Variants in MAP3K13 observed in about 807,000 individuals in gnomAD.
MAP3K13 encodes leucine zipper-bearing kinase.
Under a neutral mutation model 104.0 loss-of-function variants are expected in MAP3K13, and 52 were observed. The observed-to-expected ratio is 0.50, with a 90% CI of 0.40 to 0.63. MAP3K13 has a LOEUF of 0.63. Ranked by LOEUF, MAP3K13 falls within the 20% of genes least tolerant of loss-of-function variation. MAP3K13 has a pLI of 0.00. For synonymous variants in MAP3K13, 394 were observed against 442.2 expected (o/e 0.89, Z 1.37); for missense variants, 914 against 1,218.5 (o/e 0.75, Z 3.72).
chr3:185,473,076 G>A lies in MAP3K13; in HGVS notation c.1745G>A (p.Ser582Asn), dbSNP rs112797533. 1 of 1,614,186 alleles carries A rather than the reference G, an allele frequency of 6.2e-7. No individual in the cohort carries two copies. The highest frequency in any genetic ancestry group is 8.5e-7 in the Non-Finnish European group (1 of 1,180,040). The change falls in exon 11 of 14, where the codon AGC (serine) becomes AAC (asparagine). Residue 582 changes from serine to asparagine, a missense_variant. Ser to Asn is a conservative substitution (Grantham distance 46). Coordinates refer to ENST00000265026, the MANE Select transcript of MAP3K13 (RefSeq NM_004721.5). The surrounding 1 kb of genome is among the most constrained non-coding windows in gnomAD (Gnocchi z 4.9). ...AAAATGTCCACTTCTAGCAGCAAGAGCCGATATCGAAGCAAACCACGCCAC... is the reference window on the plus strand; with the variant it reads ...AAAATGTCCACTTCTAGCAGCAAGAACCGATATCGAAGCAAACCACGCCAC... ...SPKMSTSSSKSRYRSKPRHRR... is the reference protein window; with the variant it reads ...SPKMSTSSSKNRYRSKPRHRR...
At chr3:185,429,169 T>A (rs1714606183) in intron 2 of MAP3K13, 113 bp downstream of exon 2, 1 of 936,328 alleles carries the variant, frequency 1.1e-6, no homozygotes, top group Non-Finnish European at 1.6e-6. Flanking sequence ...AAAGAACTAG[T>A]GACAGATGAA....
chr3:185,395,353 A>ATGTCT (rs1560083056), intron 1 of MAP3K13, among the ~76,000 whole-genome samples: 20 of 18,484 alleles, frequency 1.1e-3, no homozygotes, highest in African/African-American at 3.5e-3. Flanking sequence ...ATTCAATATT[A>ATGTCT]TTTCTTTTTT....
At chr3:185,455,290 T>TATATGAG (rs1481727951) in intron 7 of MAP3K13, among the ~76,000 whole-genome samples, 3 of 128,486 alleles carry the variant, frequency 2.3e-5, no homozygotes, top group African/African-American at 8.5e-5. Context: ...ATATGAGATA[T>TATATGAG]ATATATGAGA....
intron 2 of MAP3K13, among the ~76,000 whole-genome samples, chr3:185,336,064 G>A (rs1236712085): frequency 1.3e-5 from 2 of 152,040 alleles, no homozygotes; most frequent in Non-Finnish European, 2.9e-5. Context: ...ACCTGCTGTT[G>A]CTGCCCATGA....
intron 1 of MAP3K13, among the ~76,000 whole-genome samples, chr3:185,386,195 G>A (rs1313609919): frequency 1.3e-5 from 2 of 151,852 alleles, no homozygotes; most frequent in Non-Finnish European, 2.9e-5. Context: ...GCATCTATAA[G>A]GAGCTTAAAC....
chr3:185,360,588 G>A (rs1285352879), upstream of MAP3K13, among the ~76,000 whole-genome samples: 3 of 152,138 alleles, frequency 2.0e-5, no homozygotes, highest in East Asian at 5.8e-4. Context: ...CAGGAAGCAT[G>A]CTAACTGAGG....
chr3:185,455,087 T>TATATATGAGATATATGTGAG (rs1560118333), intron 7 of MAP3K13, among the ~76,000 whole-genome samples: 1 of 108,408 alleles, frequency 9.2e-6, no homozygotes, highest in African/African-American at 3.4e-5. Context: ...ATGTGAGATA[T>TATATATGAGATATATGTGAG]ATATATGAGA....
intron 10 of MAP3K13, among the ~76,000 whole-genome samples, chr3:185,472,354 A>G (rs2148922380): frequency 6.6e-6 from 1 of 151,960 alleles, no homozygotes; most frequent in Non-Finnish European, 1.5e-5. Context: ...CTGGGACTAC[A>G]GGCATGCACC....
chr3:185,414,947 G>A (rs1226171992), intron 1 of MAP3K13, among the ~76,000 whole-genome samples: 2 of 152,036 alleles, frequency 1.3e-5, no homozygotes, highest in Non-Finnish European at 2.9e-5. Flanking sequence ...TGAGGTGGGA[G>A]TATTGCTTGA....
intron 1 of MAP3K13, among the ~76,000 whole-genome samples, chr3:185,414,035 G>A (rs1465927): frequency 0.23 from 34,200 of 151,804 alleles, 4,285 homozygotes; most frequent in African/African-American, 0.34. Flanking sequence ...TTATAATATC[G>A]ACAATACAGT....
Position 185,480,359 on chromosome 3 carries a change from C to T in MAP3K13, c.2629C>T (p.Leu877Phe). Residue 877 changes from leucine (L) to phenylalanine (F), a missense_variant, in exon 13 of 14, where the codon CTT (leucine) becomes TTT (phenylalanine). By Grantham distance (22) the Leu-to-Phe change is conservative. Around this residue, in one of 3 missense-constraint regions of MAP3K13, gnomAD observed 583 missense variants for 737.4 expected, o/e 0.79. Transcript: ENST00000265026. ...SNSPDELADK[L>F]EDRLAEKLDD... ...CAGTCCTGATGAGTTAGCTGATAAA[C>T]TTGAAGACCGCTTGGCAGAGAAGCT... is the stretch of plus-strand genomic sequence containing the variant. 6 of 1,614,182 alleles carry T rather than the reference C, an allele frequency of 3.7e-6. No individual in the cohort carries two copies. The highest frequency in any genetic ancestry group is 5.1e-6 in the Non-Finnish European group (6 of 1,180,044).
intron 2 of MAP3K13, among the ~76,000 whole-genome samples, chr3:185,296,356 C>T (rs573697098): frequency 2.8e-4 from 42 of 152,314 alleles, no homozygotes; most frequent in Middle Eastern, 6.8e-3. Context: ...CTCTCCTTAC[C>T]TCTCTACCAT....
chr3:185,332,271 C>A lies in MAP3K13; in HGVS notation c.-86+46628C>A, dbSNP rs577850898. 2.6e-5 allele frequency among the ~76,000 whole-genome samples: 4 copies of A among 152,118 alleles called. No individual in the cohort carries two copies. The South Asian group carries it at 8.3e-4, about 32-fold the overall frequency. ...GTACTGTTTCTCATATCCTTGCCAA[C>A]AGAATCATCAGACTTTTGGATTTTT... On this transcript the variant is annotated intron_variant, in intron 2 of 14. Coordinates refer to the MAP3K13 transcript ENST00000424227.
At chr3:185,409,003 G>A (rs148980909) in intron 1 of MAP3K13, among the ~76,000 whole-genome samples, 51 of 152,216 alleles carry the variant, frequency 3.4e-4, no homozygotes, top group Non-Finnish European at 6.6e-4. Context: ...ATAAAAAGGT[G>A]GACTAGAGTT....
chr3:185,288,442 A>G (rs2108669513), intron 2 of MAP3K13, among the ~76,000 whole-genome samples: 1 of 150,568 alleles, frequency 6.6e-6, no homozygotes, highest in African/African-American at 2.4e-5. Flanking sequence ...AGAAAAATAT[A>G]TATAATTTAT....
At chr3:185,386,713 T>C (rs1294725271) in intron 1 of MAP3K13, among the ~76,000 whole-genome samples, 2 of 152,206 alleles carry the variant, frequency 1.3e-5, no homozygotes, top group African/African-American at 4.8e-5. Context: ...TGGAACACTA[T>C]GCAGCCATAA....
chr3:185,477,357 G>T lies in MAP3K13; in HGVS notation c.2462G>T (p.Gly821Val). 1 of 1,612,860 alleles carries T rather than the reference G, an allele frequency of 6.2e-7. No individual in the cohort carries two copies. The highest frequency in any genetic ancestry group is 8.5e-7 in the Non-Finnish European group (1 of 1,178,850). ...SGDDSSEEEE[G>V]EVDSEVEFPR... Reference sequence around the variant, plus strand: ...GATGACTCCTCAGAAGAGGAAGAAGGGGAAGTAGATAGTGAAGTTGAATTT... The same window carrying T: ...GATGACTCCTCAGAAGAGGAAGAAGTGGAAGTAGATAGTGAAGTTGAATTT... Residue 821 changes from glycine (G) to valine (V), a missense_variant, in exon 12 of 14, where the codon GGG (glycine) becomes GTG (valine). By Grantham distance (109) the Gly-to-Val change is moderately radical (BLOSUM62 -3). Coordinates refer to ENST00000265026, the MANE Select transcript of MAP3K13 (RefSeq NM_004721.5).
At chr3:185,416,463 T>C (rs1472032758) in intron 1 of MAP3K13, among the ~76,000 whole-genome samples, 1 of 151,936 alleles carries the variant, frequency 6.6e-6, no homozygotes, top group East Asian at 1.9e-4. Context: ...TAATTATAGA[T>C]GACAAAATTG....
At chr3:185,368,863 G>A (rs1056867890) in intron 1 of MAP3K13, among the ~76,000 whole-genome samples, 1 of 151,524 alleles carries the variant, frequency 6.6e-6, no homozygotes, top group African/African-American at 2.4e-5. Flanking sequence ...GGAGGCTGAG[G>A]CAGAAGAATC....
Sources: allele counts gnomAD v4.1 joint callset (sites outside exome capture counted in the v4.1 genomes callset), GRCh38; gene constraint gnomAD v4.1.1; regional missense constraint gnomAD v4.1.1; non-coding constraint Gnocchi (gnomAD v3.1); transcripts MANE v1.5; gene names NCBI Gene and HGNC (gene_info 2026-07-23, HGNC 2026-07-21).